Variants in SOX5 observed in about 807,000 individuals in gnomAD.
SOX5 encodes the protein transcription factor SOX-5.
Under a neutral mutation model 92.0 loss-of-function variants are expected in SOX5, and 9 were observed. The observed-to-expected ratio is 0.10, with a 90% CI of 0.06 to 0.17. The LOEUF is 0.17. Among genes scored for constraint, SOX5 ranks in the 10% least tolerant of loss-of-function variants. The pLI, the probability that SOX5 is intolerant of heterozygous loss-of-function variation, is 1.00. For synonymous variants in SOX5, 344 were observed against 336.3 expected (o/e 1.02, Z -0.25); for missense variants, 642 against 944.5 (o/e 0.68, Z 4.20).
At chr12:23,788,514 G>A (rs538237444) in intron 3 of SOX5, among the ~76,000 whole-genome samples, 3 of 148,914 alleles carry the variant, frequency 2.0e-5, no homozygotes, top group South Asian at 2.1e-4. Context: ...GTGGACTTAC[G>A]AGGTAATGTC....
chr12:24,251,089 C>T (rs1475827938), intron 3 of SOX5, among the ~76,000 whole-genome samples: 1 of 152,206 alleles, frequency 6.6e-6, no homozygotes, highest in East Asian at 1.9e-4. Flanking sequence ...GTTTGCGTAG[C>T]AGCAACAGGC....
At chr12:24,014,748 T>G (rs928871262) in intron 4 of SOX5, among the ~76,000 whole-genome samples, 1 of 152,198 alleles carries the variant, frequency 6.6e-6, no homozygotes, top group Non-Finnish European at 1.5e-5. Flanking sequence ...CATAAGTAGC[T>G]TCTTATAATC....
chr12:23,536,291 C>T (rs1363176988), intron 14 of SOX5, among the ~76,000 whole-genome samples, 162 bp downstream of exon 14: 1 of 152,196 alleles, frequency 6.6e-6, no homozygotes, highest in Non-Finnish European at 1.5e-5. Flanking sequence ...TTCATATGGA[C>T]ATATTTTTCA....
chr12:24,259,111 T>C (rs569147734), intron 3 of SOX5, among the ~76,000 whole-genome samples: 1 of 152,304 alleles, frequency 6.6e-6, no homozygotes, highest in Non-Finnish European at 1.5e-5. Context: ...GCAAAAGTAA[T>C]GCTTGTCATA....
intron 1 of SOX5, among the ~76,000 whole-genome samples, chr12:24,409,267 G>C (rs1302313445): frequency 1.3e-5 from 2 of 152,144 alleles, no homozygotes; most frequent in African/African-American, 4.8e-5. Flanking sequence ...TCACTCATAA[G>C]TGGGAGTTGA....
chr12:23,817,822 C>T (rs1397167442), intron 3 of SOX5, among the ~76,000 whole-genome samples: 1 of 152,162 alleles, frequency 6.6e-6, no homozygotes, highest in Non-Finnish European at 1.5e-5. Context: ...CATAGTTACT[C>T]TCCCAAAAGA....
At chr12:23,727,189 G>A (rs948854027) in intron 6 of SOX5, among the ~76,000 whole-genome samples, 4 of 152,052 alleles carry the variant, frequency 2.6e-5, no homozygotes, top group Non-Finnish European at 5.9e-5. Context: ...TCTAAACATT[G>A]TTATCAACAT....
intron 9 of SOX5, among the ~76,000 whole-genome samples, chr12:23,595,483 C>T (rs1008153858): frequency 1.3e-5 from 2 of 151,736 alleles, no homozygotes; most frequent in Admixed American, 6.6e-5. Flanking sequence ...ATCAGCTGGG[C>T]GTGGTGGCAC....
intron 1 of SOX5, among the ~76,000 whole-genome samples, chr12:24,395,104 C>T (rs1176883932): frequency 1.3e-5 from 2 of 152,136 alleles, no homozygotes; most frequent in African/African-American, 4.8e-5. Flanking sequence ...TTAGAAAAAA[C>T]AAACTTGTTT....
chr12:24,382,193 G>C (rs1957892956), intron 1 of SOX5, among the ~76,000 whole-genome samples: 1 of 152,170 alleles, frequency 6.6e-6, no homozygotes, highest in South Asian at 2.1e-4. Flanking sequence ...AGGGAGAAAA[G>C]CAAGTCTTTG....
At chr12:24,030,282 C>T in intron 4 of SOX5, among the ~76,000 whole-genome samples, 1 of 151,958 alleles carries the variant, frequency 6.6e-6, no homozygotes, top group Non-Finnish European at 1.5e-5. Context: ...ATCATACTAC[C>T]TAACTTTAAA....
At chr12:23,938,557 T>C (rs1943046378) in intron 1 of SOX5, among the ~76,000 whole-genome samples, 1 of 151,082 alleles carries the variant, frequency 6.6e-6, no homozygotes, top group African/African-American at 2.4e-5. Context: ...TGATTCATTT[T>C]CGTGATTATG....
At chr12:24,129,567 A>C (rs1371939787) in intron 4 of SOX5, among the ~76,000 whole-genome samples, 2 of 152,146 alleles carry the variant, frequency 1.3e-5, no homozygotes, top group Non-Finnish European at 2.9e-5. Context: ...ATATTTTTTA[A>C]TTGCACATGG....
chr12:23,865,701 G>T (rs1444725705), intron 2 of SOX5, among the ~76,000 whole-genome samples: 2 of 152,026 alleles, frequency 1.3e-5, no homozygotes, highest in South Asian at 4.2e-4. Context: ...AATACATTTT[G>T]TAAGGCTATT....
At chr12:24,322,702 C>A (rs373013194) in intron 2 of SOX5, among the ~76,000 whole-genome samples, 26 of 152,228 alleles carry the variant, frequency 1.7e-4, no homozygotes, top group African/African-American at 5.8e-4. Context: ...AGAAAAAAAT[C>A]TATCTGCAAA....
At chr12:23,965,428 G>A (rs572828915) in intron 4 of SOX5, among the ~76,000 whole-genome samples, 1 of 152,094 alleles carries the variant, frequency 6.6e-6, no homozygotes, top group Admixed American at 6.5e-5. Flanking sequence ...AGTTAGATGG[G>A]GGGGACCTCA....
chr12:24,219,976 C>T (rs2139781041), intron 3 of SOX5, among the ~76,000 whole-genome samples: 1 of 152,172 alleles, frequency 6.6e-6, no homozygotes, highest in African/African-American at 2.4e-5. Context: ...CCTTAGTTTC[C>T]TCATCTTTAA....
intron 4 of SOX5, among the ~76,000 whole-genome samples, chr12:24,095,138 G>GAGAGAGAGAGAGAGAGAC (rs1945216259): frequency 7.9e-6 from 1 of 126,554 alleles, no homozygotes; most frequent in South Asian, 2.3e-4. Context: ...CAGAGAGAGA[G>GAGAGAGAGAGAGAGAGAC]AGAGAGAGAG....
intron 2 of SOX5, among the ~76,000 whole-genome samples, chr12:24,336,903 T>C (rs772012900): frequency 6.6e-6 from 1 of 152,184 alleles, no homozygotes; most frequent in Non-Finnish European, 1.5e-5. Flanking sequence ...ATGCAAGTCT[T>C]TGGGCATTTT....
Sources: gnomAD v4.1 joint callset for allele counts (sites outside exome capture counted in the v4.1 genomes callset) on GRCh38, gnomAD v4.1.1 for gene constraint, MANE v1.5 for transcripts, NCBI Gene and HGNC (gene_info 2026-07-23, HGNC 2026-07-21) for gene names.